The following FGF14 variants were observed in gnomAD, a reference collection of about 807,000 sequenced individuals.
FGF14 encodes fibroblast growth factor homologous factor 4.
Under a neutral mutation model 25.5 loss-of-function variants are expected in FGF14, and 5 were observed. That is an observed-to-expected ratio of 0.20 (90% CI 0.10 to 0.41). The LOEUF is 0.41. FGF14 is among the 10% of genes least tolerant of loss of function. FGF14 has a pLI of 1.00. For missense variants in FGF14, 222 were observed against 320.1 expected (o/e 0.69, Z 2.34); for synonymous variants, 138 against 118.3 (o/e 1.17, Z -1.08).
chr13:102,163,641 C>G (rs192019700), intron 1 of FGF14, among the ~76,000 whole-genome samples: 1 of 151,874 alleles, frequency 6.6e-6, no homozygotes, highest in Non-Finnish European at 1.5e-5. Flanking sequence ...GACCAGTATT[C>G]GAGGAGGTGA....
intron 1 of FGF14, among the ~76,000 whole-genome samples, chr13:101,948,379 G>C (rs906587714): frequency 1.3e-5 from 2 of 151,826 alleles, no homozygotes; most frequent in Admixed American, 1.3e-4. Context: ...ATAGAAGAGG[G>C]AATAGATGTG....
At chr13:102,268,426 T>C (rs59667363) in intron 1 of FGF14, among the ~76,000 whole-genome samples, 21,627 of 152,150 alleles carry the variant, frequency 0.14, 1,730 homozygotes, top group East Asian at 0.39. Flanking sequence ...TACTATGATA[T>C]CATTTGAGTA....
At chr13:102,074,180 T>A (rs59556786) in intron 1 of FGF14, among the ~76,000 whole-genome samples, 8,191 of 152,144 alleles carry the variant, frequency 0.054, 707 homozygotes, top group African/African-American at 0.18. Flanking sequence ...CTGGCAATTT[T>A]AAAAAATTTT....
intron 3 of FGF14, among the ~76,000 whole-genome samples, chr13:101,827,924 TAA>T (rs772144858): frequency 9.4e-5 from 11 of 116,414 alleles, no homozygotes; most frequent in South Asian, 3.1e-4. Context: ...GGCTAATTTC[TAA>T]AAAAAAAAAA....
intron 1 of FGF14, among the ~76,000 whole-genome samples, chr13:102,352,733 A>AC (rs1337743646): frequency 4.0e-5 from 6 of 150,422 alleles, no homozygotes; most frequent in Non-Finnish European, 7.4e-5. Context: ...AATGGCGTGA[A>AC]CCCAGGAGGC....
intron 3 of FGF14, among the ~76,000 whole-genome samples, chr13:101,814,163 G>A (rs1453144096): frequency 6.6e-6 from 1 of 152,160 alleles, no homozygotes; most frequent in African/African-American, 2.4e-5. Context: ...CATCACCTGA[G>A]AGTTGGTTAG....
intron 3 of FGF14, among the ~76,000 whole-genome samples, chr13:101,795,022 A>G (rs1341804936): frequency 1.3e-5 from 2 of 152,172 alleles, no homozygotes; most frequent in Non-Finnish European, 2.9e-5. Context: ...ACATATTAAA[A>G]CATGTACATT....
chr13:102,374,681 TATATATATATATATATG>T, intron 1 of FGF14, among the ~76,000 whole-genome samples: 1 of 100,910 alleles, frequency 9.9e-6, no homozygotes, highest in African/African-American at 3.4e-5. Context: ...TATATATATA[TATATATATATATATATG>T]TCAGTAAGCA....
intron 1 of FGF14, among the ~76,000 whole-genome samples, chr13:102,361,341 T>C (rs774310255): frequency 4.0e-4 from 61 of 152,148 alleles, no homozygotes; most frequent in Non-Finnish European, 6.8e-4. Context: ...AAAGACAGCA[T>C]GGAGAAGAAC....
intron 1 of FGF14, among the ~76,000 whole-genome samples, chr13:102,237,088 G>A (rs1190128050): frequency 6.6e-6 from 1 of 152,188 alleles, no homozygotes; most frequent in African/African-American, 2.4e-5. Context: ...CAGGAACACC[G>A]CAGGCTGAAG....
intron 1 of FGF14, among the ~76,000 whole-genome samples, chr13:101,949,024 T>C (rs968265217): frequency 6.6e-6 from 1 of 152,134 alleles, no homozygotes; most frequent in Non-Finnish European, 1.5e-5. Context: ...TTTCCAGTTG[T>C]ATGGGTGTGT....
At chr13:102,192,330 G>T (rs2049159092) in intron 1 of FGF14, among the ~76,000 whole-genome samples, 2 of 152,148 alleles carry the variant, frequency 1.3e-5, no homozygotes, top group African/African-American at 4.8e-5. Flanking sequence ...GTTTTTGCTT[G>T]TATAATTGAT....
intron 1 of FGF14, among the ~76,000 whole-genome samples, chr13:102,022,985 A>C (rs902763076): frequency 1.2e-5 from 1 of 81,050 alleles, no homozygotes; most frequent in African/African-American, 3.7e-5. Flanking sequence ...AAGGGCCTCT[A>C]CTCTAAAGAA....
At chr13:101,864,807 A>C (rs1385766110) in intron 3 of FGF14, among the ~76,000 whole-genome samples, 3 of 152,102 alleles carry the variant, frequency 2.0e-5, no homozygotes, top group African/African-American at 7.2e-5. Context: ...TATTCTCATA[A>C]ATGCCAGCCT....
chr13:102,104,653 G>T (rs1171904937), intron 1 of FGF14, among the ~76,000 whole-genome samples: 1 of 152,076 alleles, frequency 6.6e-6, no homozygotes, highest in Non-Finnish European at 1.5e-5. Context: ...AGGCATGGTG[G>T]TGCATGCCTG....
intron 1 of FGF14, among the ~76,000 whole-genome samples, chr13:102,268,646 A>G (rs1367903164): frequency 6.6e-6 from 1 of 152,090 alleles, no homozygotes; most frequent in African/African-American, 2.4e-5. Context: ...TTAATTTTAT[A>G]TGATGATGGT....
chr13:101,964,129 C>T (rs370413404), intron 1 of FGF14, among the ~76,000 whole-genome samples: 1 of 152,156 alleles, frequency 6.6e-6, no homozygotes, highest in South Asian at 2.1e-4. Flanking sequence ...TGGCTTTTGA[C>T]ATTTATATAC....
At chr13:102,027,018 T>C (rs2040963277) in intron 1 of FGF14, among the ~76,000 whole-genome samples, 1 of 152,080 alleles carries the variant, frequency 6.6e-6, no homozygotes, top group Non-Finnish European at 1.5e-5. Flanking sequence ...GTCTAAGAAA[T>C]GAGAATAACT....
intron 3 of FGF14, among the ~76,000 whole-genome samples, chr13:101,738,741 T>C (rs2036342718): frequency 6.6e-6 from 1 of 152,050 alleles, no homozygotes; most frequent in African/African-American, 2.4e-5. Context: ...CATATTATAT[T>C]ATGAAATGTT....
Sources: gnomAD v4.1 joint callset for allele counts (sites outside exome capture counted in the v4.1 genomes callset) on GRCh38, gnomAD v4.1.1 for gene constraint, MANE v1.5 for transcripts, NCBI Gene and HGNC (gene_info 2026-07-23, HGNC 2026-07-21) for gene names.